FAM174A: variants seen among roughly 807,000 people sequenced by gnomAD.
The protein encoded by FAM174A is family with sequence similarity 174 member A.
Under a neutral mutation model 14.3 loss-of-function variants are expected in FAM174A, and 14 were observed. That is an observed-to-expected ratio of 0.98 (90% CI 0.65 to 1.53). FAM174A has a LOEUF of 1.53. Ranked by LOEUF, FAM174A falls within the 40% of genes most tolerant of loss-of-function variation. FAM174A has a pLI of 0.00. For synonymous variants in FAM174A, 108 were observed against 111.4 expected, an observed-to-expected ratio of 0.97 and a Z score of 0.19; for missense variants, 241 against 249.6, an observed-to-expected ratio of 0.97 and a Z score of 0.23.
chr5:100,573,766 A>G (rs1307687857), intron 2 of FAM174A, among the ~76,000 whole-genome samples: 2 of 151,092 alleles, frequency 1.3e-5, no homozygotes, highest in East Asian at 3.9e-4. Context: ...CCACATCGCC[A>G]AGTCAATCCT....
rs188886438 is a variant in FAM174A at position 100,562,345 on chromosome 5, C to T, written c.569+157C>T. On this transcript the variant is annotated intron_variant, in intron 2 of 2. Transcript: ENST00000312637. ...TCTTTTTGCTATCTACCCCATAGCTCACATTCACGTTGTTTTGCTCAAATA... is the reference window on the plus strand; with the variant it reads ...TCTTTTTGCTATCTACCCCATAGCTTACATTCACGTTGTTTTGCTCAAATA... 2.3e-3 allele frequency among the ~76,000 whole-genome samples: 351 copies of T among 152,070 alleles called. 2 individuals are homozygous for T. The highest frequency in any genetic ancestry group is 7.9e-3 in the African/African-American group (328 of 41,524).
intron 1 of FAM174A, among the ~76,000 whole-genome samples, chr5:100,544,661 C>T (rs1746130478): frequency 6.6e-6 from 1 of 152,064 alleles, no homozygotes; most frequent in Non-Finnish European, 1.5e-5. Context: ...TATGCTTGTG[C>T]AGAGAAGTCA....
intron 1 of FAM174A, among the ~76,000 whole-genome samples, chr5:100,547,240 A>T (rs557479681): frequency 6.6e-6 from 1 of 152,124 alleles, no homozygotes; most frequent in Non-Finnish European, 1.5e-5. Context: ...AAAAAAAAGT[A>T]TGAGTGGAGT....
rs537924620 is a variant in FAM174A at position 100,536,747 on chromosome 5, C to T, written c.434+783C>T. Among the ~76,000 whole-genome samples the T allele has an allele frequency of 1.5e-4, 23 of 152,304 alleles. 1 individual carries two copies. The South Asian group carries it at 4.1e-3, about 27-fold the overall frequency. On this transcript the variant is annotated intron_variant, in intron 1 of 2. Coordinates refer to ENST00000312637, the MANE Select transcript of FAM174A (RefSeq NM_198507.3). Reference sequence around the variant, plus strand: ...GTTTGTTTATTGTTTTCAAAATTCACGTTTTTCCCATAAATACCCTCTGTA... The same window carrying T: ...GTTTGTTTATTGTTTTCAAAATTCATGTTTTTCCCATAAATACCCTCTGTA...
chr5:100,582,475 T>G (rs771394590), intron 2 of FAM174A, among the ~76,000 whole-genome samples: 9 of 126,740 alleles, frequency 7.1e-5, no homozygotes, highest in South Asian at 2.4e-4. Flanking sequence ...GCACATTTTG[T>G]TTTTTTTTTT....
intron 1 of FAM174A, 43 bp downstream of exon 1, chr5:100,536,007 A>AT: frequency 1.3e-6 from 2 of 1,496,758 alleles, no homozygotes; most frequent in Non-Finnish European, 1.8e-6. Flanking sequence ...GGCCTGAGAT[A>AT]CGCAGGCCGG....
chr5:100,539,299 GA>G (rs1478771073), intron 1 of FAM174A, among the ~76,000 whole-genome samples: 4 of 152,120 alleles, frequency 2.6e-5, no homozygotes, highest in African/African-American at 9.7e-5. Flanking sequence ...TAGAGGAGCA[GA>G]GGGGCATTAA....
At chr5:100,554,776 T>C (rs1746335383) in intron 1 of FAM174A, among the ~76,000 whole-genome samples, 1 of 152,152 alleles carries the variant, frequency 6.6e-6, no homozygotes, top group Non-Finnish European at 1.5e-5. Flanking sequence ...GGTTTATCTA[T>C]CTGTCTATCT....
intron 2 of FAM174A, among the ~76,000 whole-genome samples, chr5:100,562,686 C>T (rs992494496): frequency 2.2e-4 from 33 of 151,624 alleles, no homozygotes; most frequent in African/African-American, 7.7e-4. Context: ...AAGATATTTT[C>T]TTTTTAGTTT....
At chr5:100,567,152 A>C (rs1746672683) in intron 2 of FAM174A, among the ~76,000 whole-genome samples, 1 of 151,910 alleles carries the variant, frequency 6.6e-6, no homozygotes, top group African/African-American at 2.4e-5. Context: ...TTTCAGGGAT[A>C]AGAATGAAAT....
At chr5:100,584,918 C>T (rs1186176194) in intron 2 of FAM174A, among the ~76,000 whole-genome samples, 2 of 152,036 alleles carry the variant, frequency 1.3e-5, no homozygotes, top group East Asian at 3.8e-4. Flanking sequence ...CTGCTTCCAG[C>T]AAAAGCAATT....
chr5:100,560,121 G>T (rs968810597), intron 1 of FAM174A, among the ~76,000 whole-genome samples: 1 of 151,952 alleles, frequency 6.6e-6, no homozygotes, highest in African/African-American at 2.4e-5. Context: ...TACAGATGGG[G>T]TTTTGGTGTG....
chr5:100,538,470 C>T (rs953855487), intron 1 of FAM174A, among the ~76,000 whole-genome samples: 1 of 151,364 alleles, frequency 6.6e-6, no homozygotes, highest in African/African-American at 2.4e-5. Context: ...TGGAAACATT[C>T]CAAAGAACAG....
intron 2 of FAM174A, among the ~76,000 whole-genome samples, chr5:100,566,473 A>G (rs985341327): frequency 2.0e-5 from 3 of 151,700 alleles, no homozygotes; most frequent in Non-Finnish European, 4.4e-5. Flanking sequence ...AAGTTCATTT[A>G]TGCAAGATGA....
intron 1 of FAM174A, among the ~76,000 whole-genome samples, chr5:100,540,287 G>C (rs749573890): frequency 6.6e-6 from 1 of 152,092 alleles, no homozygotes; most frequent in African/African-American, 2.4e-5. Flanking sequence ...AACCATTTAT[G>C]TATTTAGTGA....
At chr5:100,552,405 C>A (rs538565758) in intron 1 of FAM174A, among the ~76,000 whole-genome samples, 3 of 151,378 alleles carry the variant, frequency 2.0e-5, no homozygotes, top group Admixed American at 6.6e-5. Context: ...ATAATATATT[C>A]CTCAGTCTAG....
At chr5:100,567,192 A>G (rs554066410) in intron 2 of FAM174A, among the ~76,000 whole-genome samples, 2 of 152,006 alleles carry the variant, frequency 1.3e-5, no homozygotes, top group South Asian at 2.1e-4. Context: ...ATCTGACCCA[A>G]TTTACTTAAT....
rs74549048 is a variant in FAM174A at position 100,553,397 on chromosome 5, A to G, written c.435-8657A>G. 8.3e-3 allele frequency among the ~76,000 whole-genome samples: 1,257 copies of G among 152,232 alleles called. 14 individuals carry two copies. The highest frequency in any genetic ancestry group is 0.029 in the African/African-American group (1,197 of 41,560). ...TTTCTTCCTTGAGATGAATCACCCC[A>G]TATAGTAATACAGCATGTGTGTTTT... On this transcript the variant is annotated intron_variant, in intron 1 of 2. Coordinates refer to ENST00000312637, the MANE Select transcript of FAM174A (RefSeq NM_198507.3).
chr5:100,581,890 G>T lies in FAM174A; in HGVS notation c.570-4291G>T, dbSNP rs530881914. ...GTAATATGATTGCTAGATCATAATA[G>T]TTATGCTAATTTGCATATGTTTTGA... On this transcript the variant is annotated intron_variant, in intron 2 of 2. Transcript: ENST00000312637. Among the ~76,000 whole-genome samples the T allele has an allele frequency of 1.8e-4, 27 of 152,226 alleles. No individual in the cohort carries two copies. The South Asian group carries it at 5.6e-3, about 32-fold the overall frequency.
Sources: allele counts gnomAD v4.1 joint callset (sites outside exome capture counted in the v4.1 genomes callset), GRCh38; gene constraint gnomAD v4.1.1; transcripts MANE v1.5; gene names NCBI Gene and HGNC (gene_info 2026-07-23, HGNC 2026-07-21).